Variants in SNTG1 observed in about 807,000 individuals in gnomAD.
The protein encoded by SNTG1 is gamma-1-syntrophin.
A neutral mutation model predicts 74.7 loss-of-function variants in SNTG1; 39 were observed. The observed-to-expected ratio is 0.52, with a 90% CI of 0.40 to 0.68. The LOEUF (loss-of-function observed/expected upper bound fraction) is 0.68, where lower values mean the gene tolerates loss of function less well. SNTG1 is among the 30% of genes least tolerant of loss of function. The probability of loss-of-function intolerance (pLI) is 0.00; values close to 1 mark genes in which losing one functional copy is unlikely to be tolerated. For missense variants in SNTG1, 685 were observed against 609.5 expected (o/e 1.12, Z -1.30); for synonymous variants, 254 against 217.1 (o/e 1.17, Z -1.49).
At chr8:50,442,940 G>T (rs1430084868) in intron 5 of SNTG1, among the ~76,000 whole-genome samples, 3 of 152,092 alleles carry the variant, frequency 2.0e-5, no homozygotes, top group South Asian at 2.1e-4. Flanking sequence ...ATTTCTACTG[G>T]CATTTCCTGG....
At chr8:50,338,626 T>C (rs1288482702) in intron 2 of SNTG1, among the ~76,000 whole-genome samples, 1 of 151,862 alleles carries the variant, frequency 6.6e-6, no homozygotes, top group Non-Finnish European at 1.5e-5. Flanking sequence ...ACCATTGTAA[T>C]AGAAATGAAA....
At chr8:50,590,085 TA>T (rs1336206840) in intron 12 of SNTG1, among the ~76,000 whole-genome samples, 1 of 152,098 alleles carries the variant, frequency 6.6e-6, no homozygotes, top group Non-Finnish European at 1.5e-5. Flanking sequence ...GTCAGTAGGA[TA>T]AAAGGGAACC....
chr8:50,123,146 T>A, intron 1 of SNTG1, among the ~76,000 whole-genome samples: 1 of 142,610 alleles, frequency 7.0e-6, no homozygotes, highest in South Asian at 2.6e-4. Context: ...TGCAAAGTCC[T>A]AAGACTCACT....
intron 8 of SNTG1, among the ~76,000 whole-genome samples, chr8:50,474,626 G>C (rs1286905228): frequency 6.6e-6 from 1 of 152,134 alleles, no homozygotes; most frequent in African/African-American, 2.4e-5. Flanking sequence ...TACACTGTTG[G>C]TGGGACTGTA....
At chr8:50,145,235 C>T (rs1055947626) in intron 1 of SNTG1, among the ~76,000 whole-genome samples, 7 of 152,038 alleles carry the variant, frequency 4.6e-5, no homozygotes, top group African/African-American at 1.7e-4. Context: ...TCATCGAGTG[C>T]TAGTGGAGAC....
intron 1 of SNTG1, among the ~76,000 whole-genome samples, chr8:50,072,922 G>A (rs556941677): frequency 6.6e-6 from 1 of 152,230 alleles, no homozygotes; most frequent in Non-Finnish European, 1.5e-5. Flanking sequence ...ACTAAAAAAT[G>A]CTCACAGTCA....
At chr8:50,452,009 T>C (rs1320486377) in intron 8 of SNTG1, among the ~76,000 whole-genome samples, 1 of 152,226 alleles carries the variant, frequency 6.6e-6, no homozygotes, top group African/African-American at 2.4e-5. Flanking sequence ...AATAGATTGC[T>C]CCTCTGTTAA....
At position 50,353,281 on chromosome 8, in the gene SNTG1, G is replaced by A. The variant is rs575587606; in HGVS notation, c.-27-40931G>A. 2.0e-5 allele frequency among the ~76,000 whole-genome samples: 3 copies of A among 150,446 alleles called. No homozygotes were observed. The South Asian group carries it at 6.4e-4, about 32-fold the overall frequency. On this transcript the variant is annotated intron_variant, in intron 2 of 18. Transcript: ENST00000642720. ...GAGGTGGGGGGAGGGGGGAGGGATA[G>A]CATTAGGAGATATACCTATTGTAAA...
At chr8:49,928,790 A>G (rs1807286775) in intron 1 of SNTG1, among the ~76,000 whole-genome samples, 2 of 152,258 alleles carry the variant, frequency 1.3e-5, no homozygotes, top group South Asian at 4.1e-4. Flanking sequence ...AAATCAGAAA[A>G]TATTTTAAAC....
chr8:50,176,532 G>A (rs2083005653), intron 2 of SNTG1, among the ~76,000 whole-genome samples: 1 of 152,178 alleles, frequency 6.6e-6, no homozygotes, highest in Non-Finnish European at 1.5e-5. Flanking sequence ...TGTAGGGAAG[G>A]CAGGTAAAGT....
At chr8:50,406,566 A>G (rs532481287) in intron 4 of SNTG1, among the ~76,000 whole-genome samples, 1 of 152,290 alleles carries the variant, frequency 6.6e-6, no homozygotes, top group East Asian at 1.9e-4. Context: ...GATTTCCAAT[A>G]CTATGCTGAA....
chr8:50,270,608 C>T (rs2087727528), intron 2 of SNTG1, among the ~76,000 whole-genome samples: 2 of 152,118 alleles, frequency 1.3e-5, no homozygotes, highest in South Asian at 4.1e-4. Flanking sequence ...AGAACTTTTC[C>T]TCCCTGTGAA....
At chr8:50,634,293 T>C (rs1264708353) in intron 13 of SNTG1, among the ~76,000 whole-genome samples, 1 of 152,224 alleles carries the variant, frequency 6.6e-6, no homozygotes, top group Non-Finnish European at 1.5e-5. Context: ...AGCCTCCTTT[T>C]CTGTGGGGCG....
intron 1 of SNTG1, among the ~76,000 whole-genome samples, chr8:50,022,037 T>C (rs1338998066): frequency 6.6e-6 from 1 of 152,012 alleles, no homozygotes; most frequent in East Asian, 1.9e-4. Context: ...TCATTCTAAA[T>C]AGCAACACAG....
intron 2 of SNTG1, among the ~76,000 whole-genome samples, chr8:50,186,446 A>G (rs904097746): frequency 1.4e-4 from 22 of 151,820 alleles, no homozygotes; most frequent in African/African-American, 5.3e-4. Context: ...GTCCTTGAGG[A>G]ACACTGTCTT....
chr8:50,402,377 G>A, intron 4 of SNTG1, 33 bp downstream of exon 4: 1 of 1,559,854 alleles, frequency 6.4e-7, no homozygotes, highest in Non-Finnish European at 8.6e-7. Context: ...GAAATTTTTT[G>A]TGTTTGTTTT....
chr8:50,387,088 T>C (rs1191779464), intron 2 of SNTG1, among the ~76,000 whole-genome samples: 1 of 152,160 alleles, frequency 6.6e-6, no homozygotes, highest in Admixed American at 6.6e-5. Context: ...CATGATCAAC[T>C]TGCCAACACC....
chr8:49,990,230 TTATATTTC>T (rs750817733), intron 1 of SNTG1, among the ~76,000 whole-genome samples: 1 of 151,978 alleles, frequency 6.6e-6, no homozygotes, highest in Non-Finnish European at 1.5e-5. Flanking sequence ...ATTCAGTAAA[TTATATTTC>T]TATATACTAT....
chr8:50,262,453 C>T (rs1418719365), intron 2 of SNTG1, among the ~76,000 whole-genome samples: 1 of 152,166 alleles, frequency 6.6e-6, no homozygotes, highest in Non-Finnish European at 1.5e-5. Flanking sequence ...CTCTGTCACC[C>T]AGGCTGGAGT....
Sources: gnomAD v4.1 joint callset for allele counts (sites outside exome capture counted in the v4.1 genomes callset) on GRCh38, gnomAD v4.1.1 for gene constraint, MANE v1.5 for transcripts, NCBI Gene and HGNC (gene_info 2026-07-23, HGNC 2026-07-21) for gene names.